C3orf20: variants seen among roughly 807,000 people sequenced by gnomAD.
C3orf20 encodes the protein family with sequence similarity 149 member C.
In C3orf20, 76 loss-of-function variants were observed where a neutral mutation model predicts 88.3. The ratio of observed to expected loss-of-function variants is 0.86; its 90% CI spans 0.72 to 1.04. The LOEUF (loss-of-function observed/expected upper bound fraction) is 1.04. C3orf20 is among the 50% of genes least tolerant of loss of function. The pLI is 0.00. For missense variants in C3orf20, 1,056 were observed against 1,123.3 expected, an observed-to-expected ratio of 0.94 and a Z score of 0.86; for synonymous variants, 436 against 437.4, an observed-to-expected ratio of 1.00 and a Z score of 0.04.
At chr3:14,758,100 C>T (rs2035438424) in intron 13 of C3orf20, among the ~76,000 whole-genome samples, 1 of 152,182 alleles carries the variant, frequency 6.6e-6, no homozygotes, top group Non-Finnish European at 1.5e-5. Context: ...GCCCTGGGCA[C>T]CCAGCATGAC....
At chr3:14,685,858 T>G (rs1184269461) in intron 4 of C3orf20, among the ~76,000 whole-genome samples, 2 of 3,950 alleles carry the variant, frequency 5.1e-4, no homozygotes, top group Non-Finnish European at 1.2e-3. Context: ...AGGATTTCCT[T>G]TTTTTTTTTT....
intron 10 of C3orf20, among the ~76,000 whole-genome samples, chr3:14,726,669 G>A (rs2034358401): frequency 6.6e-6 from 1 of 152,184 alleles, no homozygotes; most frequent in Non-Finnish European, 1.5e-5. Flanking sequence ...GCAAGAAGCA[G>A]TTCTGCCCAG....
chr3:14,772,695 G>C lies in C3orf20; in HGVS notation c.2631-96G>C, dbSNP rs1257735068. 1 of 946,150 alleles carries C rather than the reference G, an allele frequency of 1.1e-6. No individual in the cohort carries two copies. 58.6% of individuals were successfully genotyped at this position (946,150 alleles called of 1,614,324 possible). A position where few individuals can be genotyped will look rare whatever the true frequency, so the allele number is the denominator to read the frequency against. On this transcript the variant is annotated intron_variant, in intron 16 of 16. Transcript: ENST00000253697. This position sits in a 1 kb window ranked among gnomAD's most constrained non-coding sequence, Gnocchi z 4.2. The stretch of plus-strand genomic sequence containing the variant: ...ACCCAACAGCCTCACCTGTGCAAGG[G>C]AGAGGGCCTTGCCCCTCCTGGCCCA...
chr3:14,719,225 G>A (rs1393402330), intron 9 of C3orf20, among the ~76,000 whole-genome samples: 1 of 151,900 alleles, frequency 6.6e-6, no homozygotes, highest in African/African-American at 2.4e-5. Context: ...GAACCAGCTG[G>A]TTGATTTTTA....
intron 11 of C3orf20, 38 bp downstream of exon 11, chr3:14,727,062 G>A: frequency 1.2e-6 from 2 of 1,612,368 alleles, no homozygotes; most frequent in Non-Finnish European, 1.7e-6. Flanking sequence ...CCTATCTGTT[G>A]GCTTCCCCAG....
chr3:14,742,277 AACTG>A (rs2034924342), intron 12 of C3orf20, among the ~76,000 whole-genome samples: 1 of 152,244 alleles, frequency 6.6e-6, no homozygotes, highest in Admixed American at 6.5e-5. Context: ...TGGCTTAAAT[AACTG>A]AGTAACAATG....
At position 14,772,229 on chromosome 3, in the gene C3orf20, G is replaced by A. The variant is rs747987500; in HGVS notation, c.2630+28G>A. On this transcript the variant is annotated intron_variant, in intron 16 of 16. Coordinates refer to ENST00000253697, the MANE Select transcript of C3orf20 (RefSeq NM_032137.5). This position sits in a 1 kb window ranked among gnomAD's most constrained non-coding sequence, Gnocchi z 4.2. Reference sequence around the variant, plus strand: ...AGGTGACCACATCAGCTGCCAGAATGGGCGTGGCTCACAGCAGGCCACCTC... The same window carrying A: ...AGGTGACCACATCAGCTGCCAGAATAGGCGTGGCTCACAGCAGGCCACCTC... 7 of 1,613,998 alleles carry A rather than the reference G, an allele frequency of 4.3e-6. No homozygotes were observed. The Admixed American group carries it at 1.2e-4, about 27-fold the overall frequency.
intron 12 of C3orf20, among the ~76,000 whole-genome samples, chr3:14,738,164 C>CTT (rs35948176): frequency 0.026 from 2,751 of 107,300 alleles, 129 homozygotes; most frequent in South Asian, 0.033. Flanking sequence ...ACAAATATTC[C>CTT]TTTTTTTTTT....
chr3:14,682,128 T>C (rs915689956), intron 1 of C3orf20, 42 bp from the exon 2 acceptor site: 1 of 152,518 alleles, frequency 6.6e-6, no homozygotes, highest in Non-Finnish European at 1.5e-5. Context: ...GTGATTGAGC[T>C]TAGTAAATGC....
chr3:14,745,508 A>G (rs1225743949), intron 12 of C3orf20, among the ~76,000 whole-genome samples: 1 of 152,218 alleles, frequency 6.6e-6, no homozygotes, highest in Non-Finnish European at 1.5e-5. Flanking sequence ...TTCTTGCTAT[A>G]TAATACCCAC....
chr3:14,728,510 ACTC>A lies in C3orf20; in HGVS notation c.1763_1765del (p.Thr588_His589delinsAsn). 1.9e-6 allele frequency: 3 copies of A among 1,614,122 alleles called. No homozygotes were observed. The highest frequency in any genetic ancestry group is 1.6e-4 in the Middle Eastern group (1 of 6,062). On this transcript the variant is annotated inframe_deletion, in exon 12 of 17. Coordinates refer to ENST00000253697, the MANE Select transcript of C3orf20 (RefSeq NM_032137.5). ...TGTTCGGTTCAAGATGAGATCCAGA[ACTC>A]ATCCCGAGCGGCTCCCCAAGCTAAG...
chr3:14,718,628 C>T (rs184987127), intron 9 of C3orf20, among the ~76,000 whole-genome samples: 14 of 152,332 alleles, frequency 9.2e-5, no homozygotes, highest in Admixed American at 3.3e-4. Context: ...TGTAGGTGGA[C>T]ATTGTGAATG....
At chr3:14,691,608 T>G (rs1200924043) in intron 5 of C3orf20, among the ~76,000 whole-genome samples, 2 of 152,188 alleles carry the variant, frequency 1.3e-5, no homozygotes, top group Non-Finnish European at 2.9e-5. Flanking sequence ...GGGACCACAT[T>G]CATATAACTT....
At chr3:14,676,930 A>C (rs1053647647) in intron 1 of C3orf20, among the ~76,000 whole-genome samples, 3 of 152,188 alleles carry the variant, frequency 2.0e-5, no homozygotes, top group Admixed American at 1.3e-4. Context: ...TTTCTCTGCC[A>C]AGCATCTGTC....
intron 15 of C3orf20, among the ~76,000 whole-genome samples, chr3:14,762,710 A>G (rs1465627073): frequency 6.6e-6 from 1 of 152,208 alleles, no homozygotes; most frequent in Non-Finnish European, 1.5e-5. Context: ...AGTGTTATTT[A>G]TATGCAGACC....
intron 5 of C3orf20, among the ~76,000 whole-genome samples, chr3:14,696,368 T>TATC (rs1428789277): frequency 2.0e-5 from 2 of 101,446 alleles, no homozygotes; most frequent in African/African-American, 7.1e-5. Flanking sequence ...GTTGTTGTGC[T>TATC]ATCATTATTA....
chr3:14,766,243 C>T (rs1386020373), intron 15 of C3orf20, among the ~76,000 whole-genome samples: 4 of 152,186 alleles, frequency 2.6e-5, no homozygotes, highest in Admixed American at 6.5e-5. Flanking sequence ...CTGTGCGGGG[C>T]GCTGGGTCAC....
intron 12 of C3orf20, among the ~76,000 whole-genome samples, chr3:14,737,467 C>G (rs2034754120): frequency 1.3e-5 from 2 of 152,184 alleles, no homozygotes; most frequent in South Asian, 4.1e-4. Flanking sequence ...TTACAATATA[C>G]TATAGTCTAT....
At chr3:14,744,403 G>A (rs1347205204) in intron 12 of C3orf20, among the ~76,000 whole-genome samples, 1 of 151,916 alleles carries the variant, frequency 6.6e-6, no homozygotes, top group Non-Finnish European at 1.5e-5. Context: ...TTTGGGCAAA[G>A]CCATTCAACA....
Sources: gnomAD v4.1 joint callset for allele counts (sites outside exome capture counted in the v4.1 genomes callset) on GRCh38, gnomAD v4.1.1 for gene constraint, Gnocchi (gnomAD v3.1) non-coding constraint, MANE v1.5 for transcripts, NCBI Gene and HGNC (gene_info 2026-07-23, HGNC 2026-07-21) for gene names.